The following FAM193B variants were observed in gnomAD, a reference collection of about 807,000 sequenced individuals.
The protein encoded by FAM193B is family with sequence similarity 193 member B.
In FAM193B, 27 loss-of-function variants were observed where a neutral mutation model predicts 70.7. That is an observed-to-expected ratio of 0.38 (90% confidence interval 0.28 to 0.53). FAM193B has a LOEUF of 0.53. Ranked by LOEUF, FAM193B falls within the 20% of genes least tolerant of loss-of-function variation. The pLI, the probability that FAM193B is intolerant of heterozygous loss-of-function variation, is 0.81. For missense variants in FAM193B, 1,022 were observed against 1,072.5 expected (o/e 0.95, Z 0.66); for synonymous variants, 448 against 436.0 (o/e 1.03, Z -0.34).
chr5:177,537,811 A>G (rs1426828731), intron 3 of FAM193B, 62 bp downstream of exon 3: 16 of 1,523,354 alleles, frequency 1.1e-5, no homozygotes, highest in Non-Finnish European at 1.2e-5. Flanking sequence ...AACAAAGTGG[A>G]TAGGAAAACA....
intron 5 of FAM193B, among the ~76,000 whole-genome samples, chr5:177,526,246 T>C (rs898334397): frequency 6.6e-6 from 1 of 152,350 alleles, no homozygotes; most frequent in Admixed American, 6.5e-5. Context: ...AAATCACTTA[T>C]TCTCTCTGAA....
chr5:177,537,790 T>G, intron 3 of FAM193B, 83 bp downstream of exon 3: 1 of 1,478,274 alleles, frequency 6.8e-7, no homozygotes, highest in Non-Finnish European at 9.0e-7. Context: ...ACCAGTCTTA[T>G]GATTTGTTTG....
rs964984591 is a variant in FAM193B at position 177,524,384 on chromosome 5, T to C, written c.2097A>G (p.Gly699=). ...TTTTGGGACTGCCAGCCCAACCTGG[T>C]CCTGGCCGGCTCCCCCGGCTCCCCT... is the stretch of plus-strand genomic sequence containing the variant. ...AGEGSRGSRP[G]PGWAGSPKTE... The change falls in exon 6 of 9, where the codon GGA becomes GGG. Residue 699 remains glycine, a synonymous_variant. Transcript: ENST00000514747. The C allele has an allele frequency of 1.9e-6, 3 of 1,573,438 alleles. No individual in the cohort carries two copies. Among genetic ancestry groups the C allele is most frequent in the African/African-American group, 2.7e-5 (2 of 73,628 alleles).
At chr5:177,534,517 T>C (rs1363547739) in intron 4 of FAM193B, among the ~76,000 whole-genome samples, 1 of 151,946 alleles carries the variant, frequency 6.6e-6, no homozygotes, top group East Asian at 1.9e-4. Flanking sequence ...CTGGCCAGGC[T>C]GGTCTGGAAT....
rs755236049 is a variant in FAM193B, at chr5:177,538,915, T to A, written c.443A>T (p.His148Leu). The A allele has an allele frequency of 6.8e-6, 11 of 1,614,028 alleles. No individual in the cohort carries two copies. The highest frequency in any genetic ancestry group is 1.1e-5 in the South Asian group (1 of 91,080). ...EEDERQTGRE[H>L]AVAISLSHTS... is the part of the protein sequence containing the mutation. Reference sequence around the variant, plus strand: ...TCAGCGGTTACCTACCGCCACTGCATGTTCTCGACCTGTCTGCCTTTCATC... The same window carrying A: ...TCAGCGGTTACCTACCGCCACTGCAAGTTCTCGACCTGTCTGCCTTTCATC... Residue 148 changes from histidine (H) to leucine (L), a missense_variant, in exon 2 of 9, where the codon CAT (histidine) becomes CTT (leucine). His to Leu is a moderately conservative substitution (Grantham distance 99). Coordinates refer to ENST00000514747, the MANE Select transcript of FAM193B (RefSeq NM_001190946.3). This position sits in a 1 kb window ranked among gnomAD's most constrained non-coding sequence, Gnocchi z 4.1.
At chr5:177,552,140 T>C (rs2127495740) in intron 1 of FAM193B, 1 of 856,302 alleles carries the variant, frequency 1.2e-6, no homozygotes, top group Non-Finnish European at 1.4e-6. Context: ...ATCTGAAAAA[T>C]GGAGTAATGA....
At chr5:177,534,594 G>A (rs1463501874) in intron 4 of FAM193B, among the ~76,000 whole-genome samples, 2 of 151,808 alleles carry the variant, frequency 1.3e-5, no homozygotes, top group African/African-American at 2.4e-5. Flanking sequence ...GAGCCACCGC[G>A]CCTGGCCAGC....
At position 177,532,491 on chromosome 5, in the gene FAM193B, A is replaced by C; in HGVS notation, c.1227T>G (p.Asp409Glu). ...AGTAGCAGCAGTCACAGAACTTCCC[A>C]TCTCTCTGGTGGGTGGAGGATGAGG... ...SCTSSSTHQR[D>E]GKFCDCCYCE... The change falls in exon 5 of 9, where the codon GAT (aspartate) becomes GAG (glutamate). Residue 409 changes from aspartate (D) to glutamate (E), a missense_variant. By Grantham distance (45) the Asp-to-Glu change is conservative (BLOSUM62 2). Transcript: ENST00000514747. This position sits in a 1 kb window ranked among gnomAD's most constrained non-coding sequence, Gnocchi z 4.9. The C allele has an allele frequency of 1.2e-6, 2 of 1,611,878 alleles. No homozygotes were observed. Among genetic ancestry groups the C allele is most frequent in the Non-Finnish European group, 1.7e-6 (2 of 1,179,216 alleles).
In FAM193B at chr5:177,554,486, C is replaced by T; in HGVS notation, c.-28G>A. The stretch of plus-strand genomic sequence containing the variant: ...CGCCGCTCGCGCCGCTCCCTCGCTC[C>T]ACACGCCGCCGCCGCCGCCGCCGCC... On this transcript the variant is annotated 5_prime_UTR_variant, in exon 1 of 9. Transcript: ENST00000514747. 1.2e-6 allele frequency: 1 copy of T among 829,946 alleles called. No individual in the cohort carries two copies. The highest frequency in any genetic ancestry group is 1.3e-6 in the Non-Finnish European group (1 of 741,572). The allele number at this position is 829,946 out of a possible 1,614,324, so 51.4% of individuals were successfully genotyped here.
At chr5:177,547,576 G>A (rs933293264) in intron 1 of FAM193B, among the ~76,000 whole-genome samples, 9 of 152,002 alleles carry the variant, frequency 5.9e-5, no homozygotes, top group East Asian at 1.9e-4. Context: ...GAGCCACCGC[G>A]CCCGGCCCCA....
At chr5:177,524,062 G>A in intron 6 of FAM193B, 30 bp from the exon 7 acceptor site, 5 of 1,613,706 alleles carry the variant, frequency 3.1e-6, no homozygotes, top group Non-Finnish European at 4.2e-6. Flanking sequence ...AGGGCTCAGT[G>A]CCCATGGCCA....
intron 1 of FAM193B, chr5:177,553,622 G>A: frequency 8.1e-7 from 1 of 1,232,284 alleles, no homozygotes; most frequent in Non-Finnish European, 1.0e-6. Context: ...CAAGGTCGGG[G>A]TGGGCTGCCT....
chr5:177,537,840 G>A, intron 3 of FAM193B, 33 bp downstream of exon 3: 4 of 1,579,924 alleles, frequency 2.5e-6, no homozygotes, highest in Non-Finnish European at 3.4e-6. Context: ...CACATTTATA[G>A]GGCCTGGCTC....
chr5:177,540,773 T>C (rs1239106730), intron 1 of FAM193B, among the ~76,000 whole-genome samples: 1 of 152,194 alleles, frequency 6.6e-6, no homozygotes, highest in Non-Finnish European at 1.5e-5. Flanking sequence ...TGGTTTGTTA[T>C]GCAATGGTAG....
rs1762179815 is a variant in FAM193B, at chr5:177,524,011, T to C, written c.2318A>G (p.Asp773Gly). The change falls in exon 7 of 9, where the codon GAC becomes GGC. Residue 773 changes from aspartate to glycine, a missense_variant. Coordinates refer to ENST00000514747, the MANE Select transcript of FAM193B (RefSeq NM_001190946.3). Reference sequence around the variant, plus strand: ...CTCATCCATCTCCACCCCGTCCATGTCCTTGGGCAGGAACACATCGTCTAG... The same window carrying C: ...CTCATCCATCTCCACCCCGTCCATGCCCTTGGGCAGGAACACATCGTCTAG... ...SSLDDVFLPKDMDGVEMDETD... is the reference protein window; with the variant it reads ...SSLDDVFLPKGMDGVEMDETD... 1 of 1,614,060 alleles carries C rather than the reference T, an allele frequency of 6.2e-7. No homozygotes were observed.
intron 3 of FAM193B, 21 bp downstream of exon 3, chr5:177,537,852 C>T: frequency 6.3e-7 from 1 of 1,599,350 alleles, no homozygotes; most frequent in Non-Finnish European, 8.5e-7. Context: ...GCCTGGCTCT[C>T]TCCCGAGCCT....
chr5:177,523,192 G>T (rs1419509653), intron 7 of FAM193B: 2 of 361,226 alleles, frequency 5.5e-6, no homozygotes, highest in Non-Finnish European at 5.7e-6. Context: ...TAGAGACGGG[G>T]TTTCACCAAC....
At chr5:177,543,147 C>G (rs1051377450) in intron 1 of FAM193B, among the ~76,000 whole-genome samples, 1 of 152,068 alleles carries the variant, frequency 6.6e-6, no homozygotes, top group Non-Finnish European at 1.5e-5. Context: ...GTGACTCTCC[C>G]GAGAGCCAAA....
intron 5 of FAM193B, among the ~76,000 whole-genome samples, chr5:177,526,128 C>T (rs2127453304): frequency 6.6e-6 from 1 of 152,310 alleles, no homozygotes; most frequent in South Asian, 2.1e-4. Flanking sequence ...TTGCTACCAC[C>T]TCGGAGTCAA....
Sources: gnomAD v4.1 joint callset for allele counts (sites outside exome capture counted in the v4.1 genomes callset) on GRCh38, gnomAD v4.1.1 for gene constraint, Gnocchi (gnomAD v3.1) non-coding constraint, MANE v1.5 for transcripts, NCBI Gene and HGNC (gene_info 2026-07-23, HGNC 2026-07-21) for gene names.